The following FAM169A variants were observed in gnomAD, a reference collection of about 807,000 sequenced individuals.
FAM169A encodes soluble lamin-associated protein of 75 kDa.
A neutral mutation model predicts 75.7 loss-of-function variants in FAM169A; 24 were observed. The observed-to-expected ratio is 0.32, with a 90% confidence interval of 0.23 to 0.45. The LOEUF is 0.45. FAM169A is among the 20% of genes least tolerant of loss of function. FAM169A has a pLI of 1.00. For missense variants in FAM169A, 673 were observed against 784.0 expected (o/e 0.86, Z 1.69); for synonymous variants, 271 against 271.0 (o/e 1.00, Z 0.00).
chr5:74,836,485 A>G (rs1384680227), intron 4 of FAM169A, among the ~76,000 whole-genome samples: 1 of 152,216 alleles, frequency 6.6e-6, no homozygotes, highest in African/African-American at 2.4e-5. Context: ...ATTGAGCATC[A>G]GTTTCCAGGT....
chr5:74,796,561 C>G (rs1037454581), intron 10 of FAM169A, among the ~76,000 whole-genome samples: 1 of 152,116 alleles, frequency 6.6e-6, no homozygotes, highest in South Asian at 2.1e-4. Context: ...CCTGCCATCA[C>G]GCTCAGCTAA....
rs764687081 is a variant in FAM169A, at chr5:74,781,549, C to T, written c.1924G>A (p.Val642Met). ...AVDSSSEEIE[V>M]EVPVVDRRNL... Reference sequence around the variant, plus strand: ...CGCCTGTCTACCACAGGCACTTCCACTTCTATTTCCTCTGAGCTGCTATCC... The same window carrying T: ...CGCCTGTCTACCACAGGCACTTCCATTTCTATTTCCTCTGAGCTGCTATCC... The change falls in exon 13 of 13, where the codon GTG (valine) becomes ATG (methionine). Residue 642 changes from valine to methionine, a missense_variant. Physicochemically the swap from Val to Met is conservative, Grantham distance 21. This residue lies in a region of FAM169A where 510 missense variants were observed against 550.9 expected (regional missense o/e 0.93). Coordinates refer to ENST00000687041, the MANE Select transcript of FAM169A (RefSeq NM_001376049.1). 1 of 1,614,186 alleles carries T rather than the reference C, an allele frequency of 6.2e-7. No individual in the cohort carries two copies. The highest frequency in any genetic ancestry group is 8.5e-7 in the Non-Finnish European group (1 of 1,180,010).
intron 5 of FAM169A, among the ~76,000 whole-genome samples, chr5:74,824,153 G>C (rs982251806): frequency 6.6e-6 from 1 of 152,174 alleles, no homozygotes; most frequent in Non-Finnish European, 1.5e-5. Context: ...AATCCCTTCA[G>C]TAGTGGGCTA....
At chr5:74,787,555 A>G (rs1745757596) in intron 11 of FAM169A, among the ~76,000 whole-genome samples, 1 of 152,162 alleles carries the variant, frequency 6.6e-6, no homozygotes, top group Non-Finnish European at 1.5e-5. Context: ...GAGCTCTATG[A>G]TTACTCTTCT....
Position 74,819,079 on chromosome 5 carries a change from C to T in FAM169A, c.491-5060G>A, listed in dbSNP as rs549575796. Among the ~76,000 whole-genome samples, 14 of 151,972 alleles carry T rather than the reference C, an allele frequency of 9.2e-5. No individual in the cohort carries two copies. In the South Asian group the frequency reaches 2.3e-3, roughly 25 times the overall value. On this transcript the variant is annotated intron_variant, in intron 5 of 12. Transcript: ENST00000687041. Reference sequence around the variant, plus strand: ...ACTAAAAATACAAAAATTAGCTGGGCGTGGTGGCACACACCTATAACCCCA... The same window carrying T: ...ACTAAAAATACAAAAATTAGCTGGGTGTGGTGGCACACACCTATAACCCCA...
Position 74,805,243 on chromosome 5 carries a change from G to A in FAM169A, c.712C>T (p.Leu238Phe), listed in dbSNP as rs916410188. Residue 238 changes from leucine (L) to phenylalanine (F), a missense_variant, in exon 7 of 13, where the codon CTC becomes TTC. Physicochemically the swap from Leu to Phe is conservative, Grantham distance 22 (BLOSUM62 0). Coordinates refer to ENST00000687041, the MANE Select transcript of FAM169A (RefSeq NM_001376049.1). ...CCAACACCTTCAACTTCCCAAAGGA[G>A]TTCATGGTCTCCTGGATACTTCTCA... ...YFEKYPGDHE[L>F]LWEVEGVGHW... 2.5e-6 allele frequency: 4 copies of A among 1,613,638 alleles called. No homozygotes were observed. Among genetic ancestry groups the A allele is most frequent in the Non-Finnish European group, 3.4e-6 (4 of 1,179,724 alleles).
intron 1 of FAM169A, among the ~76,000 whole-genome samples, chr5:74,842,857 G>A (rs1312897413): frequency 1.3e-5 from 2 of 152,168 alleles, no homozygotes; most frequent in East Asian, 3.9e-4. Context: ...AGCAATTAGA[G>A]GCATAATAAC....
intron 11 of FAM169A, among the ~76,000 whole-genome samples, chr5:74,784,526 A>G (rs1745577787): frequency 1.3e-5 from 2 of 148,546 alleles, no homozygotes; most frequent in Admixed American, 1.3e-4. Context: ...AAAAAAAAAA[A>G]AAACAAGAAA....
chr5:74,783,632 G>A (rs1745524796), intron 11 of FAM169A, among the ~76,000 whole-genome samples: 1 of 152,186 alleles, frequency 6.6e-6, no homozygotes. Flanking sequence ...CAGTTTGGGT[G>A]CTGCATCTTG....
chr5:74,863,375 C>T (rs1750141467), intron 1 of FAM169A, among the ~76,000 whole-genome samples: 1 of 152,104 alleles, frequency 6.6e-6, no homozygotes, highest in African/African-American at 2.4e-5. Flanking sequence ...AAAATAATGG[C>T]ATGTGAAGAG....
chr5:74,796,777 A>T (rs1423816557), intron 10 of FAM169A, among the ~76,000 whole-genome samples: 1 of 151,856 alleles, frequency 6.6e-6, no homozygotes, highest in East Asian at 1.9e-4. Context: ...ATGAGCATAT[A>T]TCCCAGTTTA....
At chr5:74,850,399 T>A (rs995174084) in intron 1 of FAM169A, among the ~76,000 whole-genome samples, 1 of 152,202 alleles carries the variant, frequency 6.6e-6, no homozygotes, top group Non-Finnish European at 1.5e-5. Context: ...AAGGTTTAAT[T>A]CTCTCTTCAT....
In FAM169A at chr5:74,866,201, G is replaced by T; in HGVS notation, c.-40C>A. On this transcript the variant is annotated 5_prime_UTR_variant, in exon 1 of 13. Transcript: ENST00000687041. ...CCCGGGAGCCGCTGGAAGAGCCCGGGAAAGGAGGCGGAGCCGCGCGAATGA... is the reference window on the plus strand; with the variant it reads ...CCCGGGAGCCGCTGGAAGAGCCCGGTAAAGGAGGCGGAGCCGCGCGAATGA... The T allele has an allele frequency of 2.0e-6, 2 of 984,360 alleles. No homozygotes were observed. Among genetic ancestry groups the T allele is most frequent in the Non-Finnish European group, 1.2e-6 (1 of 829,602 alleles). 61.0% of individuals were successfully genotyped at this position (984,360 alleles called of 1,614,324 possible).
rs574274983 is a variant in FAM169A at position 74,784,897 on chromosome 5, C to A, written c.1261-1763G>T. Among the ~76,000 whole-genome samples, 17 of 114,844 alleles carry A rather than the reference C, an allele frequency of 1.5e-4. No homozygotes were observed. The East Asian group carries it at 3.5e-3, about 23-fold the overall frequency. The allele number at this position is 114,844 out of a possible 152,430, so 75.3% of individuals were successfully genotyped here. ...TCGCGCCACTGCACTCCAGCCTGAGCAACAGAGCAAGACTCCGTCTCAAAA... is the reference window on the plus strand; with the variant it reads ...TCGCGCCACTGCACTCCAGCCTGAGAAACAGAGCAAGACTCCGTCTCAAAA... On this transcript the variant is annotated intron_variant, in intron 11 of 12. Transcript: ENST00000687041.
rs1580067997 is a variant in FAM169A at position 74,783,198 on chromosome 5, A to C, written c.1261-64T>G. ...TTACAAACTAACTTATTTGTCATGC[A>C]TGACGGGTCCCTTCTCAGTGCCTAC... is the stretch of plus-strand genomic sequence containing the variant. On this transcript the variant is annotated intron_variant, in intron 11 of 12. Transcript: ENST00000687041. 6.6e-6 allele frequency: 8 copies of C among 1,206,908 alleles called. No homozygotes were observed. In the East Asian group the frequency reaches 1.6e-4, roughly 25 times the overall value. The allele number at this position is 1,206,908 out of a possible 1,614,324, so 74.8% of individuals were successfully genotyped here. A position where few individuals can be genotyped will look rare whatever the true frequency, so the allele number is the denominator to read the frequency against.
chr5:74,787,772 A>G (rs1407011459), intron 11 of FAM169A, among the ~76,000 whole-genome samples: 1 of 152,200 alleles, frequency 6.6e-6, no homozygotes, highest in Non-Finnish European at 1.5e-5. Context: ...CTGGCTAATT[A>G]ATCACAGTGT....
rs1241982783 is a variant in FAM169A at position 74,779,030 on chromosome 5, C to T, written c.*2430G>A. On this transcript the variant is annotated 3_prime_UTR_variant, in exon 13 of 13. Coordinates refer to ENST00000687041, the MANE Select transcript of FAM169A (RefSeq NM_001376049.1). ...GGTTTTTCCAAGTGATCTAACTTTT[C>T]CCTCTATAATCTATAAACCCCAAAA... is the stretch of plus-strand genomic sequence containing the variant. 6.6e-6 allele frequency: 1 copy of T among 152,044 alleles called. No individual in the cohort carries two copies. Among genetic ancestry groups the T allele is most frequent in the African/African-American group, 2.4e-5 (1 of 41,424 alleles). The allele number at this position is 152,044 out of a possible 1,614,324, so 9.4% of individuals were successfully genotyped here. A position where few individuals can be genotyped will look rare whatever the true frequency, so the allele number is the denominator to read the frequency against.
chr5:74,835,313 G>A (rs557773554), intron 4 of FAM169A, among the ~76,000 whole-genome samples: 31 of 152,142 alleles, frequency 2.0e-4, no homozygotes, highest in African/African-American at 7.5e-4. Flanking sequence ...AGGTGTTCCT[G>A]ATACACAGGC....
chr5:74,815,551 A>G, intron 5 of FAM169A, among the ~76,000 whole-genome samples: 1 of 152,124 alleles, frequency 6.6e-6, no homozygotes, highest in East Asian at 1.9e-4. Context: ...TCTTGTACAA[A>G]TCTAACAAGT....
Sources: allele counts gnomAD v4.1 joint callset (sites outside exome capture counted in the v4.1 genomes callset), GRCh38; gene constraint gnomAD v4.1.1; regional missense constraint gnomAD v4.1.1; transcripts MANE v1.5; gene names NCBI Gene and HGNC (gene_info 2026-07-23, HGNC 2026-07-21).